Variants in PRIM2 observed in about 807,000 individuals in gnomAD.
The protein encoded by PRIM2 is DNA primase subunit 2.
A neutral mutation model predicts 67.3 loss-of-function variants in PRIM2; 39 were observed. The observed-to-expected ratio is 0.58, with a 90% CI of 0.45 to 0.76. The LOEUF (loss-of-function observed/expected upper bound fraction) is 0.76, where lower values mean the gene tolerates loss of function less well. PRIM2 is among the 30% of genes least tolerant of loss of function. The pLI is 0.00. For missense variants in PRIM2, 398 were observed against 598.7 expected (o/e 0.66, Z 3.50); for synonymous variants, 143 against 198.7 (o/e 0.72, Z 2.36).
chr6:57,363,428 T>C (rs1244069580), intron 5 of PRIM2, among the ~76,000 whole-genome samples: 1 of 152,222 alleles, frequency 6.6e-6, no homozygotes, highest in Non-Finnish European at 1.5e-5. Flanking sequence ...AAGTGAAATG[T>C]GTTTTTTTAT....
Position 57,551,289 on chromosome 6 carries a change from C to T in PRIM2, c.1020+13664C>T, listed in dbSNP as rs1412343846. Among the ~76,000 whole-genome samples, 14 of 152,228 alleles carry T rather than the reference C, an allele frequency of 9.2e-5. No individual in the cohort carries two copies. In the East Asian group the frequency reaches 2.7e-3, roughly 29 times the overall value. ...CAATCAGAAAAGCAGGAATCCTAAT[C>T]AGGAAAGGGCTAGAGGGATGTTTAC... On this transcript the variant is annotated intron_variant, in intron 10 of 13. Transcript: ENST00000615550.
At chr6:57,609,796 G>A (rs1461178196) in intron 12 of PRIM2, among the ~76,000 whole-genome samples, 1 of 152,110 alleles carries the variant, frequency 6.6e-6, no homozygotes, top group Admixed American at 6.5e-5. Flanking sequence ...TTTATTGAGT[G>A]GATCTCACTA....
chr6:57,278,416 C>G, the PRIM2 span, among the ~76,000 whole-genome samples: 5 of 152,210 alleles, frequency 3.3e-5, no homozygotes, highest in Non-Finnish European at 7.3e-5. Context: ...CATCTCTCTT[C>G]CCTTCCATGT....
intron 5 of PRIM2, among the ~76,000 whole-genome samples, chr6:57,342,226 G>T (rs1768516685): frequency 6.6e-6 from 1 of 152,096 alleles, no homozygotes; most frequent in Non-Finnish European, 1.5e-5. Context: ...AATATGAAGT[G>T]TTCAAAAAGG....
the PRIM2 span, among the ~76,000 whole-genome samples, chr6:57,259,821 C>T: frequency 1.3e-5 from 2 of 152,198 alleles, no homozygotes; most frequent in Non-Finnish European, 2.9e-5. Flanking sequence ...CAGGAATTGT[C>T]CTCAGCTGAA....
intron 10 of PRIM2, among the ~76,000 whole-genome samples, chr6:57,573,648 A>C (rs1167627525): frequency 2.6e-5 from 4 of 152,166 alleles, no homozygotes; most frequent in Non-Finnish European, 4.4e-5. Flanking sequence ...GTGTTTCAGG[A>C]GAAAAGTTGT....
At chr6:57,523,493 C>T (rs1459090037) in intron 8 of PRIM2, among the ~76,000 whole-genome samples, 3 of 152,172 alleles carry the variant, frequency 2.0e-5, no homozygotes, top group Non-Finnish European at 4.4e-5. Context: ...TGCAACTATT[C>T]CACTACTTCC....
At chr6:57,292,211 C>T in the PRIM2 span, among the ~76,000 whole-genome samples, 47 of 152,182 alleles carry the variant, frequency 3.1e-4, no homozygotes, top group African/African-American at 4.1e-4. Flanking sequence ...AACAGACAAA[C>T]GGACAGCTAA....
At chr6:57,570,868 T>C (rs1183533018) in intron 10 of PRIM2, among the ~76,000 whole-genome samples, 1 of 152,212 alleles carries the variant, frequency 6.6e-6, no homozygotes, top group Non-Finnish European at 1.5e-5. Flanking sequence ...GTAAACTTTC[T>C]TCATCTTCAG....
intron 11 of PRIM2, among the ~76,000 whole-genome samples, chr6:57,604,416 A>C (rs1776524612): frequency 1.3e-5 from 2 of 152,184 alleles, no homozygotes; most frequent in African/African-American, 4.8e-5. Flanking sequence ...TCAGCAAAGA[A>C]AGATAGTTTG....
rs1177792902 is a variant in PRIM2, at chr6:57,489,063, A to C, written c.694-18324A>C. ...GAAATGCAGGCCCAGGCACATCCTTATGTGGCTGTGCAAGGGGCCACAGGC... is the reference window on the plus strand; with the variant it reads ...GAAATGCAGGCCCAGGCACATCCTTCTGTGGCTGTGCAAGGGGCCACAGGC... On this transcript the variant is annotated intron_variant, in intron 7 of 13. Coordinates refer to ENST00000615550, the MANE Select transcript of PRIM2 (RefSeq NM_000947.5). Among the ~76,000 whole-genome samples the C allele has an allele frequency of 2.1e-3, 324 of 152,352 alleles. 1 individual carries two copies. Among genetic ancestry groups the C allele is most frequent in the Admixed American group, 3.3e-3 (51 of 15,302 alleles).
intron 9 of PRIM2, among the ~76,000 whole-genome samples, chr6:57,534,041 T>C (rs1274254024): frequency 6.6e-6 from 1 of 152,246 alleles, no homozygotes; most frequent in Non-Finnish European, 1.5e-5. Context: ...CAACAGCATG[T>C]CATTTGCATA....
rs75215945 is a variant in PRIM2, at chr6:57,398,021, G to C, written c.693+15853G>C. Among the ~76,000 whole-genome samples, 4 of 150,078 alleles carry C rather than the reference G, an allele frequency of 2.7e-5. No homozygotes were observed. The Admixed American group carries it at 2.7e-4, about 10-fold the overall frequency. Reference sequence around the variant, plus strand: ...TTGTTCCAGGCTGGAGTGCAGTGGCGTGATCTCGGCTCACTGCAGCCTCTG... The same window carrying C: ...TTGTTCCAGGCTGGAGTGCAGTGGCCTGATCTCGGCTCACTGCAGCCTCTG... On this transcript the variant is annotated intron_variant, in intron 7 of 13. Transcript: ENST00000615550.
At chr6:57,441,473 G>A (rs977752930) in intron 7 of PRIM2, among the ~76,000 whole-genome samples, 1 of 151,936 alleles carries the variant, frequency 6.6e-6, no homozygotes, top group African/African-American at 2.4e-5. Context: ...AAATGGTTTT[G>A]GTTTTCATCA....
chr6:57,303,754 T>C, the PRIM2 span, among the ~76,000 whole-genome samples: 1 of 152,186 alleles, frequency 6.6e-6, no homozygotes, highest in Non-Finnish European at 1.5e-5. Flanking sequence ...TAGCTGTGAT[T>C]ACAGGCACCC....
intron 12 of PRIM2, among the ~76,000 whole-genome samples, chr6:57,614,973 G>T (rs1222847594): frequency 2.3e-4 from 35 of 152,286 alleles, no homozygotes; most frequent in African/African-American, 7.9e-4. Context: ...TTTGGGTATT[G>T]TATCTATCTA....
At chr6:57,402,885 A>G (rs1337658580) in intron 7 of PRIM2, among the ~76,000 whole-genome samples, 1 of 152,100 alleles carries the variant, frequency 6.6e-6, no homozygotes, top group Non-Finnish European at 1.5e-5. Flanking sequence ...CCACCTCAGT[A>G]GTTCCTCTTG....
chr6:57,542,178 G>A (rs1775174366), intron 10 of PRIM2, among the ~76,000 whole-genome samples: 7 of 152,048 alleles, frequency 4.6e-5, no homozygotes, highest in Admixed American at 4.6e-4. Flanking sequence ...GTTTCGCCAT[G>A]TTGCTCAGGC....
At chr6:57,323,082 G>T (rs962585257) in intron 3 of PRIM2, among the ~76,000 whole-genome samples, 57 of 145,676 alleles carry the variant, frequency 3.9e-4, no homozygotes, top group African/African-American at 1.4e-3. Flanking sequence ...CCCTCATAGG[G>T]TTTTTTTTTT....
Sources: allele counts gnomAD v4.1 joint callset (sites outside exome capture counted in the v4.1 genomes callset), GRCh38; gene constraint gnomAD v4.1.1; transcripts MANE v1.5; gene names NCBI Gene and HGNC (gene_info 2026-07-23, HGNC 2026-07-21).